Variants in NRDC observed in about 807,000 individuals in gnomAD.
The protein encoded by NRDC is nardilysin.
A neutral mutation model predicts 147.1 loss-of-function variants in NRDC; 54 were observed. The observed-to-expected ratio is 0.37, with a 90% CI of 0.29 to 0.46. NRDC has a LOEUF of 0.46. Ranked by LOEUF, NRDC falls within the 20% of genes least tolerant of loss-of-function variation. The pLI is 1.00. For missense variants in NRDC, 1,082 were observed against 1,370.6 expected, an observed-to-expected ratio of 0.79 and a Z score of 3.33; for synonymous variants, 440 against 482.1, an observed-to-expected ratio of 0.91 and a Z score of 1.14.
intron 1 of NRDC, chr1:51,860,064 G>T (rs1158828763): frequency 1.0e-5 from 2 of 190,634 alleles, no homozygotes; most frequent in Non-Finnish European, 1.1e-5. Context: ...GGCCATAGTG[G>T]TGTCCAATTA....
At chr1:51,863,442 G>A (rs984752783) in intron 1 of NRDC, among the ~76,000 whole-genome samples, 9 of 151,982 alleles carry the variant, frequency 5.9e-5, no homozygotes, top group Admixed American at 4.6e-4. Flanking sequence ...ATTTAATAAT[G>A]TTTCTTTAAT....
chr1:51,864,174 G>GA (rs1395303466), intron 1 of NRDC, among the ~76,000 whole-genome samples: 1 of 152,106 alleles, frequency 6.6e-6, no homozygotes, highest in East Asian at 1.9e-4. Flanking sequence ...ACCCTAAGTT[G>GA]AACCAACATA....
intron 22 of NRDC, among the ~76,000 whole-genome samples, chr1:51,797,376 T>C (rs892139963): frequency 3.3e-5 from 5 of 152,216 alleles, no homozygotes; most frequent in African/African-American, 7.2e-5. Context: ...TCTGCTTCTA[T>C]GAATTTGACT....
intron 17 of NRDC, among the ~76,000 whole-genome samples, chr1:51,807,553 A>G (rs187769327): frequency 1.2e-3 from 189 of 152,152 alleles, no homozygotes; most frequent in Non-Finnish European, 1.9e-3. Context: ...GAAACAAATT[A>G]AAAATTAGCT....
In NRDC at chr1:51,812,046, G is replaced by C. The variant is rs1454462509; in HGVS notation, c.1727C>G (p.Pro576Arg). 6.2e-7 allele frequency: 1 copy of C among 1,613,936 alleles called. No individual in the cohort carries two copies. The highest frequency in any genetic ancestry group is 8.5e-7 in the Non-Finnish European group (1 of 1,179,864). ...ATCTCCAGTGAGAATGTCCTGCAAT[G>C]GGTACAGCTGCATGTTCTCACACAT... ...ENMCENMQLYPLQDILTGDQL... is the reference protein window; with the variant it reads ...ENMCENMQLYRLQDILTGDQL... The change falls in exon 15 of 31, where the codon CCA becomes CGA. Residue 576 changes from proline to arginine, a missense_variant. Around this residue, in one of 3 missense-constraint regions of NRDC, gnomAD observed 635 missense variants for 923.8 expected, o/e 0.69. Coordinates refer to ENST00000352171, the MANE Select transcript of NRDC (RefSeq NM_001101662.2).
intron 1 of NRDC, among the ~76,000 whole-genome samples, chr1:51,867,981 A>C (rs188866683): frequency 5.4e-4 from 82 of 152,316 alleles, no homozygotes; most frequent in African/African-American, 1.6e-3. Context: ...GTAAAAGACA[A>C]ACTGATGATG....
At chr1:51,799,468 A>G (rs895093677) in intron 21 of NRDC, among the ~76,000 whole-genome samples, 6 of 152,028 alleles carry the variant, frequency 3.9e-5, no homozygotes, top group East Asian at 1.9e-4. Context: ...CAGTTATTAC[A>G]TGACTGATTC....
At chr1:51,875,983 T>C (rs185043805) in intron 1 of NRDC, among the ~76,000 whole-genome samples, 1 of 152,304 alleles carries the variant, frequency 6.6e-6, no homozygotes, top group African/African-American at 2.4e-5. Context: ...TTTGACCAAG[T>C]TTCAGAAAAT....
intron 24 of NRDC, chr1:51,793,929 A>T (rs1322591276): frequency 2.6e-5 from 4 of 153,338 alleles, no homozygotes; most frequent in African/African-American, 9.7e-5. Context: ...AGCACCACAC[A>T]CCCCAGTAGA....
intron 20 of NRDC, among the ~76,000 whole-genome samples, chr1:51,802,720 A>C (rs1679267468): frequency 2.0e-5 from 3 of 152,208 alleles, no homozygotes; most frequent in Admixed American, 6.5e-5. Flanking sequence ...AAAAGGCATA[A>C]AAAGGTGAGA....
intron 1 of NRDC, among the ~76,000 whole-genome samples, chr1:51,866,475 C>T (rs1187526939): frequency 6.6e-6 from 1 of 151,898 alleles, no homozygotes; most frequent in Non-Finnish European, 1.5e-5. Context: ...ATATACAGTC[C>T]TCTGAAATGC....
At chr1:51,832,886 C>T (rs1348711173) in intron 4 of NRDC, among the ~76,000 whole-genome samples, 2 of 152,100 alleles carry the variant, frequency 1.3e-5, no homozygotes, top group Non-Finnish European at 2.9e-5. Flanking sequence ...CTCAACTGTC[C>T]AATCATATGT....
In NRDC at chr1:51,790,481, G is replaced by C; in HGVS notation, c.3168+52C>G. 2.6e-6 allele frequency: 3 copies of C among 1,141,624 alleles called. No individual in the cohort carries two copies. The Admixed American group carries it at 5.1e-5, about 19-fold the overall frequency. The allele number at this position is 1,141,624 out of a possible 1,614,324, so 70.7% of individuals were successfully genotyped here. A position where few individuals can be genotyped will look rare whatever the true frequency, so the allele number is the denominator to read the frequency against. ...TGTGCACAGACCTGTGATGCCTGTAGAATCAGGAACCTTGACCAGTTTGAG... is the reference window on the plus strand; with the variant it reads ...TGTGCACAGACCTGTGATGCCTGTACAATCAGGAACCTTGACCAGTTTGAG... On this transcript the variant is annotated intron_variant, in intron 29 of 30. Coordinates refer to ENST00000352171, the MANE Select transcript of NRDC (RefSeq NM_001101662.2).
chr1:51,814,943 C>T, intron 11 of NRDC, 130 bp from the exon 12 acceptor site: 1 of 983,418 alleles, frequency 1.0e-6, no homozygotes. Context: ...TAAACATATA[C>T]TTTCCAACAG....
chr1:51,830,996 T>C (rs1392750802), intron 4 of NRDC, among the ~76,000 whole-genome samples: 1 of 152,218 alleles, frequency 6.6e-6, no homozygotes, highest in Non-Finnish European at 1.5e-5. Context: ...TATTATAGCA[T>C]TTATTATAGT....
At chr1:51,859,596 CTG>C (rs1682428608) in intron 1 of NRDC, among the ~76,000 whole-genome samples, 1 of 152,198 alleles carries the variant, frequency 6.6e-6, no homozygotes, top group Non-Finnish European at 1.5e-5. Flanking sequence ...AGGTCTACAG[CTG>C]TGCGTAAATT....
rs139568256 is a variant in NRDC, at chr1:51,806,869, A to G, written c.2035T>C (p.Tyr679His). ...LKAFDCPETE[Y>H]PVKIVNTPQG... Reference sequence around the variant, plus strand: ...GGAGTATTCACAATTTTAACTGGGTATTCTGTTTCCGGGCAATCGAAAGCC... The same window carrying G: ...GGAGTATTCACAATTTTAACTGGGTGTTCTGTTTCCGGGCAATCGAAAGCC... The change falls in exon 18 of 31, where the codon TAC becomes CAC. Residue 679 changes from tyrosine to histidine, a missense_variant. Coordinates refer to ENST00000352171, the MANE Select transcript of NRDC (RefSeq NM_001101662.2). 1.2e-6 allele frequency: 2 copies of G among 1,614,046 alleles called. No individual in the cohort carries two copies. The highest frequency in any genetic ancestry group is 3.3e-5 in the Admixed American group (2 of 60,022).
At chr1:51,833,330 G>A (rs1680801441) in intron 4 of NRDC, among the ~76,000 whole-genome samples, 1 of 151,560 alleles carries the variant, frequency 6.6e-6, no homozygotes, top group South Asian at 2.1e-4. Context: ...GGGAGCGGTG[G>A]CACATTCAGC....
chr1:51,868,288 G>A lies in NRDC; in HGVS notation c.341+9987C>T, dbSNP rs184006309. On this transcript the variant is annotated intron_variant, in intron 1 of 30. Coordinates refer to ENST00000352171, the MANE Select transcript of NRDC (RefSeq NM_001101662.2). ...TCACTAACTACATGTGGGAAGGGAC[G>A]ATTGAAAGAAAACAGAAAAGAGAGG... is the stretch of plus-strand genomic sequence containing the variant. Among the ~76,000 whole-genome samples the A allele has an allele frequency of 3.1e-3, 471 of 152,108 alleles. 2 individuals are homozygous for A. The highest frequency in any genetic ancestry group is 6.8e-3 in the Middle Eastern group (2 of 294).
Sources: gnomAD v4.1 joint callset for allele counts (sites outside exome capture counted in the v4.1 genomes callset) on GRCh38, gnomAD v4.1.1 for gene constraint, gnomAD v4.1.1 regional missense constraint, MANE v1.5 for transcripts, NCBI Gene and HGNC (gene_info 2026-07-23, HGNC 2026-07-21) for gene names.